Variants in NETO2 observed in about 807,000 individuals in gnomAD.
NETO2 encodes neuropilin and tolloid-like protein 2.
Under a neutral mutation model 62.5 loss-of-function variants are expected in NETO2, and 28 were observed. That is an observed-to-expected ratio of 0.45 (90% CI 0.33 to 0.61). NETO2 has a LOEUF of 0.61. NETO2 is among the 20% of genes least tolerant of loss of function. NETO2 has a pLI of 0.02. For missense variants in NETO2, 548 were observed against 643.2 expected (o/e 0.85, Z 1.60); for synonymous variants, 214 against 219.1 (o/e 0.98, Z 0.21).
chr16:47,118,878 T>C (rs1963977531), intron 6 of NETO2, among the ~76,000 whole-genome samples: 1 of 152,196 alleles, frequency 6.6e-6, no homozygotes, highest in African/African-American at 2.4e-5. Flanking sequence ...AATAACTTAA[T>C]ATTAAATACC....
At chr16:47,139,062 T>C (rs953154902) in intron 1 of NETO2, among the ~76,000 whole-genome samples, 4 of 152,206 alleles carry the variant, frequency 2.6e-5, no homozygotes, top group Admixed American at 6.5e-5. Context: ...ACCTGGTATT[T>C]TGAGTCTTGT....
intron 7 of NETO2, among the ~76,000 whole-genome samples, chr16:47,097,072 G>A (rs1429892080): frequency 6.6e-6 from 1 of 152,184 alleles, no homozygotes; most frequent in Non-Finnish European, 1.5e-5. Context: ...CAGGGACCTG[G>A]GTTTCAAGCA....
intron 6 of NETO2, among the ~76,000 whole-genome samples, chr16:47,118,350 C>G (rs1963964559): frequency 6.6e-6 from 1 of 152,192 alleles, no homozygotes; most frequent in South Asian, 2.1e-4. Flanking sequence ...CACACACAGG[C>G]ACCTCAGAAA....
intron 6 of NETO2, among the ~76,000 whole-genome samples, chr16:47,117,072 C>T (rs1378428734): frequency 1.3e-5 from 2 of 152,062 alleles, no homozygotes; most frequent in Non-Finnish European, 2.9e-5. Context: ...TTTATCTTAT[C>T]TAAATAACTT....
chr16:47,121,661 G>A (rs535150508), intron 6 of NETO2, among the ~76,000 whole-genome samples: 31 of 152,288 alleles, frequency 2.0e-4, no homozygotes, highest in Non-Finnish European at 3.7e-4. Context: ...CCAGCTTCAT[G>A]TGAGTCTCAC....
chr16:47,143,582 T>C lies in NETO2; in HGVS notation c.31A>G (p.Lys11Glu). MALERLCSVL[K>E]VLLITVLVVE... ...TGGCCCCAGCCCCGGTCCTTACCTT[T>C]GAGGACCGAGCAGAGCCGCTCCAGG... Residue 11 changes from lysine (K) to glutamate (E), a missense_variant, in exon 1 of 9, where the codon AAA becomes GAA. Lys to Glu is a moderately conservative substitution (Grantham distance 56). Transcript: ENST00000562435. 1 of 1,223,182 alleles carries C rather than the reference T, an allele frequency of 8.2e-7. No homozygotes were observed. The highest frequency in any genetic ancestry group is 3.3e-5 in the East Asian group (1 of 30,432). The allele number at this position is 1,223,182 out of a possible 1,614,324, so 75.8% of individuals were successfully genotyped here.
At chr16:47,103,806 A>T (rs1378859095) in intron 7 of NETO2, among the ~76,000 whole-genome samples, 2 of 152,188 alleles carry the variant, frequency 1.3e-5, no homozygotes, top group Non-Finnish European at 2.9e-5. Context: ...ATGAATTTTT[A>T]AAAAAGCATT....
chr16:47,101,046 T>A (rs1963531383), intron 7 of NETO2, among the ~76,000 whole-genome samples: 1 of 152,108 alleles, frequency 6.6e-6, no homozygotes, highest in Non-Finnish European at 1.5e-5. Flanking sequence ...GATGTGAAGA[T>A]CCTCAATAAA....
intron 7 of NETO2, among the ~76,000 whole-genome samples, chr16:47,108,682 A>G (rs1963723035): frequency 6.6e-6 from 1 of 152,228 alleles, no homozygotes; most frequent in Non-Finnish European, 1.5e-5. Flanking sequence ...ATACTTGACA[A>G]CTAAAAGCAA....
intron 7 of NETO2, among the ~76,000 whole-genome samples, chr16:47,105,421 T>C (rs537734301): frequency 6.6e-6 from 1 of 152,308 alleles, no homozygotes; most frequent in East Asian, 1.9e-4. Flanking sequence ...AAAAGCTTCA[T>C]GACATTGGTT....
chr16:47,107,721 G>A (rs1201392964), intron 7 of NETO2, among the ~76,000 whole-genome samples: 1 of 152,202 alleles, frequency 6.6e-6, no homozygotes, highest in Non-Finnish European at 1.5e-5. Context: ...AACTGAAGGA[G>A]CTTCCAATGG....
chr16:47,114,439 CTTTTTTTTTTTTTTTTTTT>C (rs33994080), intron 6 of NETO2, among the ~76,000 whole-genome samples: 1 of 37,938 alleles, frequency 2.6e-5, no homozygotes, highest in African/African-American at 1.2e-4. Flanking sequence ...TTATAAATTT[CTTTTTTTTTTTTTTTTTTT>C]TTTTTTTTTT....
In NETO2 at chr16:47,132,005, C is replaced by T. The variant is rs747997280; in HGVS notation, c.55G>A (p.Val19Ile). 2.5e-6 allele frequency: 4 copies of T among 1,612,340 alleles called. No individual in the cohort carries two copies. The highest frequency in any genetic ancestry group is 2.2e-5 in the East Asian group (1 of 44,792). ...TGGGCCACGGCAATCCCTTCCACTA[C>T]CAGTACTGTTATTAACAACACTAGA... is the stretch of plus-strand genomic sequence containing the variant. Reference protein sequence around the residue: ...VLKVLLITVLVVEGIAVAQKT... With the variant: ...VLKVLLITVLIVEGIAVAQKT... The change falls in exon 2 of 9, where the codon GTA becomes ATA. Residue 19 changes from valine to isoleucine, a missense_variant. Val to Ile is a conservative substitution (Grantham distance 29, BLOSUM62 3). Transcript: ENST00000562435.
chr16:47,142,712 GT>G (rs1325951626), intron 1 of NETO2, among the ~76,000 whole-genome samples: 3 of 152,216 alleles, frequency 2.0e-5, no homozygotes, highest in African/African-American at 7.2e-5. Context: ...TTCAGTCCGA[GT>G]TTCAGGAGCA....
rs1963121595 is a variant in NETO2 at position 47,083,683 on chromosome 16, C to G, written c.1116G>C (p.Gln372His). 6.2e-7 allele frequency: 1 copy of G among 1,614,158 alleles called. No homozygotes were observed. The highest frequency in any genetic ancestry group is 2.2e-5 in the East Asian group (1 of 44,886). ...LIISILVQVK[Q>H]PRKKVMACKT... ...TGCAAGCCATGACCTTTTTTCGAGG[C>G]TGTTTCACTTGTACTAAAATAGAAA... Residue 372 changes from glutamine (Q) to histidine (H), a missense_variant, in exon 9 of 9, where the codon CAG becomes CAC. Transcript: ENST00000562435.
chr16:47,124,237 T>C (rs1964106646), intron 4 of NETO2, among the ~76,000 whole-genome samples: 1 of 152,174 alleles, frequency 6.6e-6, no homozygotes, highest in African/African-American at 2.4e-5. Flanking sequence ...TGCAGAGAAA[T>C]GTCAAAGTGA....
At chr16:47,120,065 T>TC (rs1555498488) in intron 6 of NETO2, among the ~76,000 whole-genome samples, 1 of 151,750 alleles carries the variant, frequency 6.6e-6, no homozygotes, top group Non-Finnish European at 1.5e-5. Context: ...TACTAAGAAG[T>TC]AAAAAAAAAT....
intron 6 of NETO2, among the ~76,000 whole-genome samples, chr16:47,118,782 A>G (rs531172148): frequency 6.6e-6 from 1 of 152,334 alleles, no homozygotes; most frequent in Admixed American, 6.5e-5. Flanking sequence ...AATCTCAGAC[A>G]TTAAATCATT....
chr16:47,124,235 A>T (rs1964106600), intron 4 of NETO2, among the ~76,000 whole-genome samples: 2 of 152,242 alleles, frequency 1.3e-5, no homozygotes. Flanking sequence ...TTTGCAGAGA[A>T]ATGTCAAAGT....
Sources: gnomAD v4.1 joint callset for allele counts (sites outside exome capture counted in the v4.1 genomes callset) on GRCh38, gnomAD v4.1.1 for gene constraint, MANE v1.5 for transcripts, NCBI Gene and HGNC (gene_info 2026-07-23, HGNC 2026-07-21) for gene names.